The following UNC13C variants were observed in gnomAD, a reference collection of about 807,000 sequenced individuals.
The protein encoded by UNC13C is unc-13 homolog C, also known as protein unc-13 homolog C.
Under a neutral mutation model 245.4 loss-of-function variants are expected in UNC13C, and 174 were observed. That is an observed-to-expected ratio of 0.71 (90% confidence interval 0.63 to 0.80). The LOEUF (loss-of-function observed/expected upper bound fraction) is 0.80, where lower values mean the gene tolerates loss of function less well. UNC13C is among the 30% of genes least tolerant of loss of function. UNC13C has a pLI of 0.00. For missense variants in UNC13C, 2,829 were observed against 2,602.9 expected (o/e 1.09, Z -1.89); for synonymous variants, 992 against 895.1 (o/e 1.11, Z -1.93).
chr15:54,502,289 G>A (rs948101272), intron 22 of UNC13C, among the ~76,000 whole-genome samples: 2 of 152,124 alleles, frequency 1.3e-5, no homozygotes, highest in Non-Finnish European at 2.9e-5. Context: ...AAAGTCAAAT[G>A]TTATAATCAG....
At chr15:54,555,659 A>G (rs1358838881) in intron 29 of UNC13C, 147 bp downstream of exon 29, 9 of 632,872 alleles carry the variant, frequency 1.4e-5, no homozygotes, top group Non-Finnish European at 2.1e-5. Flanking sequence ...TTGGTGCAAT[A>G]GTAATTGTGG....
At chr15:54,038,048 T>A (rs1009799400) in intron 2 of UNC13C, among the ~76,000 whole-genome samples, 3 of 146,200 alleles carry the variant, frequency 2.1e-5, no homozygotes, top group Admixed American at 6.9e-5. Flanking sequence ...TAGATTCTCT[T>A]ATGCTTTTAT....
At chr15:54,146,361 A>G (rs2032258888) in intron 4 of UNC13C, among the ~76,000 whole-genome samples, 1 of 152,138 alleles carries the variant, frequency 6.6e-6, no homozygotes, top group Admixed American at 6.5e-5. Flanking sequence ...CCCTTAGTTT[A>G]CTCAAGTGTC....
At chr15:54,231,014 A>G (rs755683568) in intron 4 of UNC13C, among the ~76,000 whole-genome samples, 1 of 152,016 alleles carries the variant, frequency 6.6e-6, no homozygotes, top group Non-Finnish European at 1.5e-5. Context: ...CGATGTCTTC[A>G]GTTTTTTATC....
chr15:54,238,626 A>G (rs992422299), intron 7 of UNC13C, among the ~76,000 whole-genome samples: 1 of 152,144 alleles, frequency 6.6e-6, no homozygotes, highest in South Asian at 2.1e-4. Context: ...CTGTTTTATT[A>G]TTTTTATTAC....
chr15:53,850,642 A>G, the UNC13C span, among the ~76,000 whole-genome samples: 1 of 152,108 alleles, frequency 6.6e-6, no homozygotes, highest in Non-Finnish European at 1.5e-5. Flanking sequence ...CAATTTGATT[A>G]CAATTAGCCA....
intron 19 of UNC13C, among the ~76,000 whole-genome samples, chr15:54,461,770 G>A (rs10744957): frequency 0.8 from 121,385 of 152,088 alleles, 48,535 homozygotes; most frequent in Admixed American, 0.83. Context: ...GGCAAAGTAT[G>A]TGTCTACAGA....
intron 17 of UNC13C, among the ~76,000 whole-genome samples, chr15:54,388,913 TTC>T (rs1415318867): frequency 1.3e-5 from 2 of 152,172 alleles, no homozygotes; most frequent in African/African-American, 2.4e-5. Context: ...ATTCCTCCTT[TTC>T]TCTTTCTCAC....
chr15:54,232,324 T>C (rs2035575668), intron 4 of UNC13C, among the ~76,000 whole-genome samples: 1 of 152,122 alleles, frequency 6.6e-6, no homozygotes, highest in South Asian at 2.1e-4. Context: ...GAGGCAGAGA[T>C]GAATTTTGGA....
intron 10 of UNC13C, among the ~76,000 whole-genome samples, chr15:54,277,807 A>G (rs975063552): frequency 1.3e-5 from 2 of 152,198 alleles, no homozygotes; most frequent in Non-Finnish European, 2.9e-5. Flanking sequence ...GATGAAACCA[A>G]ATGATTTGAA....
chr15:53,898,514 A>G, the UNC13C span, among the ~76,000 whole-genome samples: 2 of 152,144 alleles, frequency 1.3e-5, no homozygotes, highest in Non-Finnish European at 2.9e-5. Context: ...ACAGTAGCCT[A>G]AAGAGGGAGG....
At chr15:54,404,878 T>G (rs1423526764) in intron 18 of UNC13C, among the ~76,000 whole-genome samples, 3 of 152,164 alleles carry the variant, frequency 2.0e-5, no homozygotes, top group African/African-American at 4.8e-5. Flanking sequence ...TGTGAGTACA[T>G]AAACATTTTC....
At chr15:54,032,153 A>C (rs1303339807) in intron 2 of UNC13C, among the ~76,000 whole-genome samples, 1 of 152,194 alleles carries the variant, frequency 6.6e-6, no homozygotes, top group Non-Finnish European at 1.5e-5. Context: ...CCTGAGAGGT[A>C]TTACTCAGTT....
Position 54,269,977 on chromosome 15 carries a change from G to A in UNC13C, c.3818+4481G>A, listed in dbSNP as rs115678710. ...CTGATAAAATATTTATTAACTTTAA[G>A]TGAAGCTACACTTGTAATTCTTTTC... On this transcript the variant is annotated intron_variant, in intron 10 of 32. Coordinates refer to ENST00000260323, the MANE Select transcript of UNC13C (RefSeq NM_001080534.3). 3.7e-3 allele frequency among the ~76,000 whole-genome samples: 559 copies of A among 152,160 alleles called. 5 individuals are homozygous for A. The highest frequency in any genetic ancestry group is 0.013 in the African/African-American group (533 of 41,512).
chr15:53,985,374 A>G lies in UNC13C; in HGVS notation c.-257+6447A>G, dbSNP rs556830674. 1.1e-4 allele frequency among the ~76,000 whole-genome samples: 15 copies of G among 142,726 alleles called. 1 individual carries two copies. The highest frequency in any genetic ancestry group is 8.4e-4 in the Admixed American group (12 of 14,234). The allele number at this position is 142,726 out of a possible 152,430, so 93.6% of individuals were successfully genotyped here. A position where few individuals can be genotyped will look rare whatever the true frequency, so the allele number is the denominator to read the frequency against. ...CTTTTTTTTAAATTTTATTATTATT[A>G]TACTTTAAGTTTTAGGGCACATGTG... On this transcript the variant is annotated intron_variant, in intron 1 of 32. Transcript: ENST00000260323.
chr15:53,978,865 C>CA lies in UNC13C; in HGVS notation c.-315dup, dbSNP rs1034251766. Among the ~76,000 whole-genome samples, 2 of 152,102 alleles carry CA rather than the reference C, an allele frequency of 1.3e-5. No homozygotes were observed. The highest frequency in any genetic ancestry group is 1.3e-4 in the Admixed American group (2 of 15,274). On this transcript the variant is annotated 5_prime_UTR_variant, in exon 1 of 33. Coordinates refer to ENST00000260323, the MANE Select transcript of UNC13C (RefSeq NM_001080534.3). Reference sequence around the variant, plus strand: ...TCCTAAAAGGAAAACACATACACTCCAAAAGGAGGGGAAGAACAACCCAGT... The same window carrying CA: ...TCCTAAAAGGAAAACACATACACTCCAAAAAGGAGGGGAAGAACAACCCAGT...
At chr15:54,541,114 C>A (rs976423940) in intron 26 of UNC13C, among the ~76,000 whole-genome samples, 2 of 152,024 alleles carry the variant, frequency 1.3e-5, no homozygotes, top group Admixed American at 1.3e-4. Context: ...GGTCCCCAAC[C>A]TTCCTCTTTA....
intron 19 of UNC13C, among the ~76,000 whole-genome samples, chr15:54,470,760 T>A (rs1372146359): frequency 6.6e-6 from 1 of 151,390 alleles, no homozygotes; most frequent in African/African-American, 2.4e-5. Flanking sequence ...TATGCTTTGA[T>A]CTTTGTTGTT....
chr15:54,408,203 A>C (rs925290180), intron 18 of UNC13C, among the ~76,000 whole-genome samples: 2 of 112,100 alleles, frequency 1.8e-5, no homozygotes, highest in Non-Finnish European at 3.3e-5. Context: ...CTGCCTCAAA[A>C]AAAAAAAAAA....
Sources: allele counts gnomAD v4.1 joint callset (sites outside exome capture counted in the v4.1 genomes callset), GRCh38; gene constraint gnomAD v4.1.1; transcripts MANE v1.5; gene names NCBI Gene and HGNC (gene_info 2026-07-23, HGNC 2026-07-21).